The following SECISBP2L variants were observed in gnomAD, a reference collection of about 807,000 sequenced individuals.
SECISBP2L encodes the protein SECIS binding protein 2 like.
In SECISBP2L, 43 loss-of-function variants were observed where a neutral mutation model predicts 114.7. That is an observed-to-expected ratio of 0.38 (90% CI 0.29 to 0.48). The LOEUF (loss-of-function observed/expected upper bound fraction) is 0.48, where lower values mean the gene tolerates loss of function less well. SECISBP2L is among the 20% of genes least tolerant of loss of function. The pLI, the probability that SECISBP2L is intolerant of heterozygous loss-of-function variation, is 0.98. For synonymous variants in SECISBP2L, 451 were observed against 439.7 expected (o/e 1.03, Z -0.32); for missense variants, 1,136 against 1,301.1 (o/e 0.87, Z 1.95).
At chr15:49,012,907 T>C (rs1283195931) in intron 11 of SECISBP2L, 90 bp from the exon 12 acceptor site, 2 of 1,316,314 alleles carry the variant, frequency 1.5e-6, no homozygotes, top group Non-Finnish European at 2.1e-6. Context: ...AAGAACATCC[T>C]CCTCCCATGG....
In SECISBP2L at chr15:49,037,605, T is replaced by G; in HGVS notation, c.189A>C (p.Glu63Asp). The change falls in exon 2 of 18, where the codon GAA becomes GAC. Residue 63 changes from glutamate to aspartate, a missense_variant. By Grantham distance (45) the Glu-to-Asp change is conservative (BLOSUM62 2). This residue lies in a region of SECISBP2L where 452 missense variants were observed against 452.3 expected (regional missense o/e 1.00). Transcript: ENST00000559471. ...YLITCYPFVQENQSNRQFPLY... is the reference protein window; with the variant it reads ...YLITCYPFVQDNQSNRQFPLY... ...AAACAAATTACCTATTGGACTGGTTTTCCTGCACAAATGGGTAACAAGTAA... is the reference window on the plus strand; with the variant it reads ...AAACAAATTACCTATTGGACTGGTTGTCCTGCACAAATGGGTAACAAGTAA... 1 of 1,613,426 alleles carries G rather than the reference T, an allele frequency of 6.2e-7. No homozygotes were observed. Among genetic ancestry groups the G allele is most frequent in the East Asian group, 2.2e-5 (1 of 44,856 alleles).
chr15:49,006,702 T>C (rs1322091540), intron 14 of SECISBP2L, among the ~76,000 whole-genome samples: 1 of 152,116 alleles, frequency 6.6e-6, no homozygotes, highest in East Asian at 1.9e-4. Context: ...AACATACTCC[T>C]TTAGCTCGGA....
intron 17 of SECISBP2L, among the ~76,000 whole-genome samples, chr15:48,994,398 A>G (rs1010503930): frequency 2.6e-5 from 4 of 152,134 alleles, no homozygotes; most frequent in African/African-American, 9.7e-5. Context: ...TCATTGTCTA[A>G]CTGGCTTTTT....
Position 48,999,878 on chromosome 15 carries a change from C to T in SECISBP2L, c.2358G>A (p.Leu786=), listed in dbSNP as rs1458553865. Residue 786 remains leucine, a synonymous_variant, in exon 16 of 18, where the codon CTG becomes CTA. Coordinates refer to ENST00000559471, the MANE Select transcript of SECISBP2L (RefSeq NM_001193489.2). ...AGATTCCCACTACGCTAACAGGAAC[C>T]AGCTTGTTCACACAGCGTCCTAGAG... The part of the protein sequence containing the change: ...RKALGRCVNK[L]VPVSVVGIFN... The T allele has an allele frequency of 6.2e-7, 1 of 1,613,972 alleles. No individual in the cohort carries two copies. Among genetic ancestry groups the T allele is most frequent in the East Asian group, 2.2e-5 (1 of 44,874 alleles).
chr15:49,040,081 G>A (rs1382684672), intron 1 of SECISBP2L, among the ~76,000 whole-genome samples: 1 of 151,982 alleles, frequency 6.6e-6, no homozygotes. Flanking sequence ...CAGCTCAAAA[G>A]CTGCAAAAAA....
intron 5 of SECISBP2L, 112 bp downstream of exon 5, chr15:49,028,341 C>A: frequency 1.9e-6 from 2 of 1,073,718 alleles, no homozygotes; most frequent in Non-Finnish European, 2.7e-6. Flanking sequence ...TGTAACTATC[C>A]TATTACTACA....
rs1901979185 is a variant in SECISBP2L at position 48,991,629 on chromosome 15, A to T, written c.*615T>A. ...TGAGGCTAGCTAGCTATAATCTAAGATGGTGGCTCCACTGCTAGCCGAAGT... is the reference window on the plus strand; with the variant it reads ...TGAGGCTAGCTAGCTATAATCTAAGTTGGTGGCTCCACTGCTAGCCGAAGT... On this transcript the variant is annotated 3_prime_UTR_variant, in exon 18 of 18. Transcript: ENST00000559471. 6.6e-6 allele frequency: 1 copy of T among 152,532 alleles called. No homozygotes were observed. The highest frequency in any genetic ancestry group is 1.5e-5 in the Non-Finnish European group (1 of 68,084). 9.4% of individuals were successfully genotyped at this position (152,532 alleles called of 1,614,324 possible). A position where few individuals can be genotyped will look rare whatever the true frequency, so the allele number is the denominator to read the frequency against.
chr15:49,001,026 A>C lies in SECISBP2L; in HGVS notation c.2099T>G (p.Phe700Cys). 1 of 1,613,832 alleles carries C rather than the reference A, an allele frequency of 6.2e-7. No homozygotes were observed. Among genetic ancestry groups the C allele is most frequent in the Non-Finnish European group, 8.5e-7 (1 of 1,179,872 alleles). The change falls in exon 15 of 18, where the codon TTC becomes TGC. Residue 700 changes from phenylalanine (F) to cysteine (C), a missense_variant. By Grantham distance (205) the Phe-to-Cys change is radical (BLOSUM62 -2). Around this residue, in one of 2 missense-constraint regions of SECISBP2L, gnomAD observed 684 missense variants for 848.7 expected, o/e 0.81. Transcript: ENST00000559471. The stretch of plus-strand genomic sequence containing the variant: ...ATCTTTTTGGTAGATGCGTTCCTGG[A>C]AACTGACAAGCTCTTGGAGAAGAAG... ...VTLLLQELVSFQERIYQKDPV... is the reference protein window; with the variant it reads ...VTLLLQELVSCQERIYQKDPV...
At chr15:49,027,754 G>A (rs934934445) in intron 6 of SECISBP2L, among the ~76,000 whole-genome samples, 4 of 151,774 alleles carry the variant, frequency 2.6e-5, no homozygotes, top group Admixed American at 6.6e-5. Context: ...GATTACAGGC[G>A]CTCACCACCA....
At chr15:48,996,103 A>T (rs1902079981) in intron 17 of SECISBP2L, 1 of 394,776 alleles carries the variant, frequency 2.5e-6, no homozygotes, top group Non-Finnish European at 4.6e-6. Flanking sequence ...GATAGGTCAC[A>T]AGTATGGTGT....
chr15:49,027,609 T>C, intron 6 of SECISBP2L, 129 bp from the exon 7 acceptor site: 4 of 336,084 alleles, frequency 1.2e-5, no homozygotes, highest in Non-Finnish European at 2.2e-5. Flanking sequence ...TAAACCTTAT[T>C]ATTTTTTTTT....
chr15:49,040,194 A>G (rs1903094464), intron 1 of SECISBP2L, among the ~76,000 whole-genome samples: 1 of 152,234 alleles, frequency 6.6e-6, no homozygotes, highest in South Asian at 2.1e-4. Context: ...ATGGCTGCAC[A>G]TATACACAGT....
chr15:48,998,737 TAATATACC>T (rs777082478), intron 16 of SECISBP2L, among the ~76,000 whole-genome samples: 21 of 152,240 alleles, frequency 1.4e-4, no homozygotes, highest in South Asian at 6.2e-4. Flanking sequence ...ACATACTTGA[TAATATACC>T]AAGCTGGTCT....
At chr15:49,045,437 GAA>G in intron 1 of SECISBP2L, among the ~76,000 whole-genome samples, 1 of 152,332 alleles carries the variant, frequency 6.6e-6, no homozygotes, top group East Asian at 1.9e-4. Flanking sequence ...AATAGAGAGT[GAA>G]TAAACTTGGA....
chr15:49,044,982 C>A (rs555996399), intron 1 of SECISBP2L, among the ~76,000 whole-genome samples: 1 of 152,258 alleles, frequency 6.6e-6, no homozygotes, highest in South Asian at 2.1e-4. Context: ...GCTTTGAAAT[C>A]TCAGGTATTT....
intron 1 of SECISBP2L, among the ~76,000 whole-genome samples, chr15:49,043,964 G>GTT (rs199931690): frequency 1.4e-5 from 2 of 148,088 alleles, no homozygotes; most frequent in Non-Finnish European, 3.0e-5. Context: ...AAAAAAAAGC[G>GTT]TTTTTTTTTT....
At chr15:49,013,147 AC>A (rs1034460245) in intron 11 of SECISBP2L, 1 of 204,562 alleles carries the variant, frequency 4.9e-6, no homozygotes, top group African/African-American at 2.3e-5. Context: ...ACAATGCTGC[AC>A]CCCTTCTTAT....
chr15:49,045,189 A>C (rs1274160434), intron 1 of SECISBP2L, among the ~76,000 whole-genome samples: 1 of 152,112 alleles, frequency 6.6e-6, no homozygotes, highest in Non-Finnish European at 1.5e-5. Context: ...TTTTTTAAAA[A>C]AAAAAGTCTT....
chr15:49,028,204 T>C (rs1317626438), intron 5 of SECISBP2L, 36 bp from the exon 6 acceptor site: 1 of 1,537,642 alleles, frequency 6.5e-7, no homozygotes, highest in Non-Finnish European at 8.8e-7. Flanking sequence ...TATACTCTAC[T>C]TGAGAACCAA....
Sources: gnomAD v4.1 joint callset for allele counts (sites outside exome capture counted in the v4.1 genomes callset) on GRCh38, gnomAD v4.1.1 for gene constraint, gnomAD v4.1.1 regional missense constraint, MANE v1.5 for transcripts, NCBI Gene and HGNC (gene_info 2026-07-23, HGNC 2026-07-21) for gene names.